The following CSTF3 variants were observed in gnomAD, a reference collection of about 807,000 sequenced individuals.
The protein encoded by CSTF3 is CF-1 77 kDa subunit.
Under a neutral mutation model 105.8 loss-of-function variants are expected in CSTF3, and 29 were observed. The observed-to-expected ratio is 0.27, with a 90% CI of 0.20 to 0.37. CSTF3 has a LOEUF of 0.37. CSTF3 is among the 10% of genes least tolerant of loss of function. The pLI is 1.00. For synonymous variants in CSTF3, 252 were observed against 281.9 expected (o/e 0.89, Z 1.06); for missense variants, 357 against 879.3 (o/e 0.41, Z 7.51).
intron 5 of CSTF3, among the ~76,000 whole-genome samples, chr11:33,107,634 G>GACA (rs10649841): frequency 0.55 from 83,128 of 151,826 alleles, 25,238 homozygotes; most frequent in Non-Finnish European, 0.68. Flanking sequence ...GAAAAAATTT[G>GACA]ACAAGTCTGT....
intron 13 of CSTF3, 106 bp downstream of exon 13, chr11:33,098,584 T>C: frequency 1.5e-6 from 1 of 684,590 alleles, no homozygotes; most frequent in East Asian, 3.0e-5. Flanking sequence ...TCAAGATTAA[T>C]AGAACTATAC....
At chr11:33,105,724 T>A (rs1358990197) in intron 7 of CSTF3, 31 bp from the exon 8 acceptor site, 3 of 1,609,970 alleles carry the variant, frequency 1.9e-6, no homozygotes, top group Non-Finnish European at 2.5e-6. Flanking sequence ...CCATCAATTA[T>A]ATTATAACCA....
At chr11:33,122,956 A>G (rs1049902532) in intron 3 of CSTF3, among the ~76,000 whole-genome samples, 15 of 151,344 alleles carry the variant, frequency 9.9e-5, no homozygotes, top group African/African-American at 3.6e-4. Context: ...AGAAAAGAAA[A>G]GTATGTAAAA....
At chr11:33,154,660 C>T (rs1565022140) in intron 1 of CSTF3, among the ~76,000 whole-genome samples, 1 of 151,986 alleles carries the variant, frequency 6.6e-6, no homozygotes, top group South Asian at 2.1e-4. Context: ...CCACACTCAG[C>T]TAATTTTTGT....
At chr11:33,128,218 T>C (rs1236922077) in intron 3 of CSTF3, among the ~76,000 whole-genome samples, 2 of 152,006 alleles carry the variant, frequency 1.3e-5, no homozygotes, top group South Asian at 2.1e-4. Flanking sequence ...GAAATGTTTT[T>C]CCCCCTCTCA....
intron 1 of CSTF3, among the ~76,000 whole-genome samples, chr11:33,153,740 T>C (rs1486369440): frequency 6.6e-6 from 1 of 151,964 alleles, no homozygotes; most frequent in East Asian, 1.9e-4. Context: ...TAATTCTCTT[T>C]CTCCAAATAG....
Position 33,141,726 on chromosome 11 carries a change from G to A in CSTF3, c.166C>T (p.Arg56Cys). The A allele has an allele frequency of 1.2e-6, 2 of 1,609,736 alleles. No individual in the cohort carries two copies. The highest frequency in any genetic ancestry group is 1.7e-6 in the Non-Finnish European group (2 of 1,178,834). ...GAACTGGGGAACTGGGCAACAAGGC[G>A]TTCATAAGTCTTCCGTGCTTTGTCT... ...PIDKARKTYE[R>C]LVAQFPSSGR... Residue 56 changes from arginine to cysteine, a missense_variant, in exon 3 of 21, where the codon CGC becomes TGC. This residue lies in a region of CSTF3 where 78 missense variants were observed against 180.4 expected (regional missense o/e 0.43). Coordinates refer to ENST00000323959, the MANE Select transcript of CSTF3 (RefSeq NM_001326.3).
chr11:33,128,680 C>T (rs1483404644), intron 3 of CSTF3, among the ~76,000 whole-genome samples: 3 of 151,948 alleles, frequency 2.0e-5, no homozygotes, highest in Non-Finnish European at 4.4e-5. Context: ...ATTTCTATAA[C>T]GTTCATGTAA....
At chr11:33,143,650 T>G (rs185726131) in intron 1 of CSTF3, among the ~76,000 whole-genome samples, 1 of 152,064 alleles carries the variant, frequency 6.6e-6, no homozygotes, top group East Asian at 1.9e-4. Flanking sequence ...CCTGGAAGGC[T>G]GAGGCACAAG....
chr11:33,115,392 G>A (rs555431983), intron 3 of CSTF3, among the ~76,000 whole-genome samples: 47 of 152,194 alleles, frequency 3.1e-4, no homozygotes, highest in African/African-American at 6.3e-4. Flanking sequence ...AATACAAGTC[G>A]TTTTAAGGAA....
At chr11:33,111,811 A>T (rs1039906145) in intron 3 of CSTF3, among the ~76,000 whole-genome samples, 1 of 152,196 alleles carries the variant, frequency 6.6e-6, no homozygotes, top group Non-Finnish European at 1.5e-5. Flanking sequence ...AAATTCTCTG[A>T]TCTCTAGTAC....
At chr11:33,087,389 A>C (rs1207538431) in intron 17 of CSTF3, among the ~76,000 whole-genome samples, 1 of 152,220 alleles carries the variant, frequency 6.6e-6, no homozygotes, top group East Asian at 1.9e-4. Flanking sequence ...TAGTGTTGCC[A>C]GGCAGGACAT....
At chr11:33,087,233 T>C in intron 17 of CSTF3, 92 bp from the exon 18 acceptor site, 1 of 1,354,910 alleles carries the variant, frequency 7.4e-7, no homozygotes, top group Non-Finnish European at 1.0e-6. Context: ...TGTGAATATC[T>C]GGGTCAAAAC....
intron 3 of CSTF3, among the ~76,000 whole-genome samples, chr11:33,138,639 T>G (rs1038088738): frequency 2.0e-5 from 3 of 151,840 alleles, no homozygotes; most frequent in Non-Finnish European, 3.0e-5. Flanking sequence ...GTCACAAAAG[T>G]ACTTTCATAT....
At chr11:33,091,357 A>C (rs6484644) in intron 16 of CSTF3, among the ~76,000 whole-genome samples, 83,399 of 152,060 alleles carry the variant, frequency 0.55, 25,359 homozygotes, top group Non-Finnish European at 0.68. Context: ...CTAAAGTAAT[A>C]TATTAAGTGC....
chr11:33,112,647 A>T (rs1170694663), intron 3 of CSTF3, among the ~76,000 whole-genome samples: 3 of 152,184 alleles, frequency 2.0e-5, no homozygotes, highest in Admixed American at 6.5e-5. Flanking sequence ...CTAGCACACC[A>T]ATACCCTGTC....
At chr11:33,085,666 G>T (rs765256947) in intron 20 of CSTF3, 47 bp downstream of exon 20, 1 of 1,491,230 alleles carries the variant, frequency 6.7e-7, no homozygotes, top group Non-Finnish European at 9.3e-7. Context: ...CTGCCTATGA[G>T]ACAACAACGT....
intron 1 of CSTF3, among the ~76,000 whole-genome samples, chr11:33,145,425 CA>C (rs1855769093): frequency 6.6e-6 from 1 of 151,026 alleles, no homozygotes; most frequent in Non-Finnish European, 1.5e-5. Context: ...GACTCTGTGT[CA>C]AAAAAACATT....
In CSTF3 at chr11:33,099,819, T is replaced by C. The variant is rs1049467584; in HGVS notation, c.827-102A>G. ...CCAAATTAGGCTCCTCAAAAATTAA[T>C]GATAATTAGAAATAAAAAGCTTTAG... is the stretch of plus-strand genomic sequence containing the variant. On this transcript the variant is annotated intron_variant, in intron 10 of 20. Transcript: ENST00000323959. The surrounding 1 kb of genome is among the most constrained non-coding windows in gnomAD (Gnocchi z 4.1). The C allele has an allele frequency of 6.2e-6, 4 of 650,106 alleles. No individual in the cohort carries two copies. The South Asian group carries it at 1.0e-4, about 16-fold the overall frequency. The allele number at this position is 650,106 out of a possible 1,614,324, so 40.3% of individuals were successfully genotyped here. A position where few individuals can be genotyped will look rare whatever the true frequency, so the allele number is the denominator to read the frequency against.
Sources: gnomAD v4.1 joint callset for allele counts (sites outside exome capture counted in the v4.1 genomes callset) on GRCh38, gnomAD v4.1.1 for gene constraint, gnomAD v4.1.1 regional missense constraint, Gnocchi (gnomAD v3.1) non-coding constraint, MANE v1.5 for transcripts, NCBI Gene and HGNC (gene_info 2026-07-23, HGNC 2026-07-21) for gene names.